The following LRRTM4 variants were observed in gnomAD, a reference collection of about 807,000 sequenced individuals.
LRRTM4 encodes the protein leucine rich repeat transmembrane neuronal 4.
Under a neutral mutation model 47.6 loss-of-function variants are expected in LRRTM4, and 25 were observed. That is an observed-to-expected ratio of 0.53 (90% CI 0.38 to 0.73). LRRTM4 has a LOEUF of 0.73. LRRTM4 is among the 30% of genes least tolerant of loss of function. The pLI is 0.00. For missense variants in LRRTM4, 638 were observed against 713.4 expected (o/e 0.89, Z 1.20); for synonymous variants, 311 against 269.5 (o/e 1.15, Z -1.51).
Position 76,973,004 on chromosome 2 carries a change from C to A in LRRTM4, c.1552-224088G>T, listed in dbSNP as rs78480408. Among the ~76,000 whole-genome samples, 135 of 152,090 alleles carry A rather than the reference C, an allele frequency of 8.9e-4. 2 individuals carry two copies. In the East Asian group the frequency reaches 0.026, roughly 29 times the overall value. ...ATATTTTTATCAATATTTTAAAAGA[C>A]TTTACCATTTAACCAAATAAATATG... is the stretch of plus-strand genomic sequence containing the variant. On this transcript the variant is annotated intron_variant, in intron 3 of 3. Coordinates refer to ENST00000409884, the MANE Select transcript of LRRTM4 (RefSeq NM_001134745.3).
intron 3 of LRRTM4, among the ~76,000 whole-genome samples, chr2:77,086,463 G>T (rs1040977633): frequency 6.8e-6 from 1 of 148,084 alleles, no homozygotes; most frequent in Admixed American, 6.7e-5. Flanking sequence ...ATGATTGCAG[G>T]TTACATATAA....
At chr2:77,302,190 C>G (rs1414422594) in intron 3 of LRRTM4, among the ~76,000 whole-genome samples, 2 of 152,114 alleles carry the variant, frequency 1.3e-5, no homozygotes, top group Non-Finnish European at 2.9e-5. Flanking sequence ...ATATTTCTAA[C>G]TGAGTTTAAA....
chr2:77,402,593 T>G (rs1220856444), intron 3 of LRRTM4, among the ~76,000 whole-genome samples: 8 of 152,054 alleles, frequency 5.3e-5, no homozygotes, highest in Admixed American at 5.3e-4. Context: ...GTTACCTGAA[T>G]GTTTTCTTTC....
At chr2:77,379,931 A>C (rs554389492) in intron 3 of LRRTM4, among the ~76,000 whole-genome samples, 14 of 152,186 alleles carry the variant, frequency 9.2e-5, no homozygotes, top group African/African-American at 3.4e-4. Flanking sequence ...ATTGTTTCAT[A>C]ATTTACAGTT....
chr2:77,477,763 C>T (rs61712019), intron 3 of LRRTM4, among the ~76,000 whole-genome samples: 38,002 of 143,644 alleles, frequency 0.26, 5,581 homozygotes, highest in Admixed American at 0.37. Context: ...TCCTTGAACC[C>T]GGGAGGTAGA....
chr2:76,789,208 T>G (rs1415010351), intron 3 of LRRTM4, among the ~76,000 whole-genome samples: 1 of 152,162 alleles, frequency 6.6e-6, no homozygotes, highest in Non-Finnish European at 1.5e-5. Flanking sequence ...TTTGTTTTCT[T>G]CACACCAAGG....
intron 3 of LRRTM4, among the ~76,000 whole-genome samples, chr2:77,136,301 A>G (rs1192583094): frequency 6.6e-6 from 1 of 152,112 alleles, no homozygotes; most frequent in Non-Finnish European, 1.5e-5. Flanking sequence ...CGATCAGGCA[A>G]CAACTTTTGC....
chr2:77,217,830 A>C (rs943936399), intron 3 of LRRTM4, among the ~76,000 whole-genome samples: 1 of 152,140 alleles, frequency 6.6e-6, no homozygotes. Flanking sequence ...TGGAACATTC[A>C]TATCTTATAT....
At chr2:77,009,485 A>G (rs1677788197) in intron 3 of LRRTM4, 1 of 152,108 alleles carries the variant, frequency 6.6e-6, no homozygotes, top group African/African-American at 2.4e-5. Context: ...TATCCTTCAA[A>G]GCGTCTTATG....
chr2:77,447,622 T>C lies in LRRTM4; in HGVS notation c.1551+70696A>G, dbSNP rs1485379287. ...AGTTTATGTGCCATAATTCTTGTAG[T>C]ATTTCTATATTTTTAACCATTCAAC... On this transcript the variant is annotated intron_variant, in intron 3 of 3. Coordinates refer to ENST00000409884, the MANE Select transcript of LRRTM4 (RefSeq NM_001134745.3). 2.0e-5 allele frequency among the ~76,000 whole-genome samples: 3 copies of C among 152,166 alleles called. No homozygotes were observed. The East Asian group carries it at 5.8e-4, about 29-fold the overall frequency.
At chr2:77,399,485 C>A (rs765726615) in intron 3 of LRRTM4, among the ~76,000 whole-genome samples, 1 of 151,658 alleles carries the variant, frequency 6.6e-6, no homozygotes, top group African/African-American at 2.4e-5. Flanking sequence ...TGAGCTGTTG[C>A]GGAGTTGTCA....
intron 3 of LRRTM4, among the ~76,000 whole-genome samples, chr2:77,135,987 A>T (rs758838379): frequency 3.3e-5 from 5 of 150,330 alleles, no homozygotes; most frequent in African/African-American, 5.0e-5. Context: ...CCAATTTAGG[A>T]AAAAAAAAGG....
At chr2:77,367,915 G>A (rs562184906) in intron 3 of LRRTM4, among the ~76,000 whole-genome samples, 2 of 151,966 alleles carry the variant, frequency 1.3e-5, no homozygotes, top group South Asian at 2.1e-4. Context: ...CTACTTAAAT[G>A]TAAATTAATT....
At chr2:76,807,926 TCC>T (rs1670589436) in intron 3 of LRRTM4, among the ~76,000 whole-genome samples, 1 of 118,908 alleles carries the variant, frequency 8.4e-6, no homozygotes, top group Admixed American at 9.2e-5. Flanking sequence ...TTCCTTTCTT[TCC>T]TTTCCTTTCT....
rs976669656 is a variant in LRRTM4, at chr2:77,517,304, T to A, written c.1551+1014A>T. 7 of 983,524 alleles carry A rather than the reference T, an allele frequency of 7.1e-6. No individual in the cohort carries two copies. The African/African-American group carries it at 1.0e-4, about 15-fold the overall frequency. 60.9% of individuals were successfully genotyped at this position (983,524 alleles called of 1,614,324 possible). A position where few individuals can be genotyped will look rare whatever the true frequency, so the allele number is the denominator to read the frequency against. On this transcript the variant is annotated intron_variant, in intron 3 of 3. Coordinates refer to ENST00000409884, the MANE Select transcript of LRRTM4 (RefSeq NM_001134745.3). The stretch of plus-strand genomic sequence containing the variant: ...ATAACATGGAAGGTACACCTTTATT[T>A]GAGGCTGTTACAGAAAGGGAGGATA...
At chr2:76,942,558 A>G (rs1352088540) in intron 3 of LRRTM4, among the ~76,000 whole-genome samples, 1 of 150,824 alleles carries the variant, frequency 6.6e-6, no homozygotes, top group Admixed American at 6.7e-5. Context: ...AAAATGTATG[A>G]ATTTTTATTA....
At chr2:77,101,602 C>T (rs1018207623) in intron 3 of LRRTM4, among the ~76,000 whole-genome samples, 3 of 152,072 alleles carry the variant, frequency 2.0e-5, no homozygotes, top group Admixed American at 1.3e-4. Context: ...TCTTTATTTA[C>T]CTATTGCCTG....
At chr2:76,949,850 A>G (rs1188143598) in intron 3 of LRRTM4, among the ~76,000 whole-genome samples, 1 of 152,016 alleles carries the variant, frequency 6.6e-6, no homozygotes, top group African/African-American at 2.4e-5. Context: ...TTATTTCAAC[A>G]GAGAAGAGGT....
intron 3 of LRRTM4, among the ~76,000 whole-genome samples, chr2:77,061,258 C>T (rs1679775976): frequency 6.6e-6 from 1 of 152,068 alleles, no homozygotes; most frequent in Admixed American, 6.5e-5. Flanking sequence ...TGTGTTTATA[C>T]TTGGCCAATC....
Sources: gnomAD v4.1 joint callset for allele counts (sites outside exome capture counted in the v4.1 genomes callset) on GRCh38, gnomAD v4.1.1 for gene constraint, MANE v1.5 for transcripts, NCBI Gene and HGNC (gene_info 2026-07-23, HGNC 2026-07-21) for gene names.